SLC35F4: variants seen among roughly 807,000 people sequenced by gnomAD.
SLC35F4 encodes solute carrier family 35 member F4.
In SLC35F4, 24 loss-of-function variants were observed where a neutral mutation model predicts 44.2. The observed-to-expected ratio is 0.54, with a 90% CI of 0.39 to 0.76. SLC35F4 has a LOEUF of 0.76. SLC35F4 is among the 30% of genes least tolerant of loss of function. SLC35F4 has a pLI of 0.00. For missense variants in SLC35F4, 562 were observed against 586.1 expected, an observed-to-expected ratio of 0.96 and a Z score of 0.42; for synonymous variants, 238 against 223.6, an observed-to-expected ratio of 1.06 and a Z score of -0.57.
At position 57,769,493 on chromosome 14, in the gene SLC35F4, A is replaced by G. The variant is rs535189081; in HGVS notation, c.103+96230T>C. On this transcript the variant is annotated intron_variant, in intron 1 of 7. Transcript: ENST00000556826. ...AGCCAAAACCTCATAAAATAATGCC[A>G]TAATTTCAGTGTCACAAATCCATCA... Among the ~76,000 whole-genome samples, 3 of 152,380 alleles carry G rather than the reference A, an allele frequency of 2.0e-5. No homozygotes were observed. The East Asian group carries it at 5.8e-4, about 29-fold the overall frequency.
chr14:57,670,585 A>G, intron 1 of SLC35F4, among the ~76,000 whole-genome samples: 1 of 151,716 alleles, frequency 6.6e-6, no homozygotes. Context: ...TCATTTCGTT[A>G]TGTACCCAGT....
chr14:57,576,997 T>A (rs1200277824), intron 4 of SLC35F4, among the ~76,000 whole-genome samples: 1 of 152,114 alleles, frequency 6.6e-6, no homozygotes, highest in Non-Finnish European at 1.5e-5. Context: ...CCTGCCAAGA[T>A]AGGGGTAAGA....
intron 1 of SLC35F4, among the ~76,000 whole-genome samples, chr14:57,945,269 AAGAGGCCAGAGCCC>A (rs1277105192): frequency 6.6e-6 from 1 of 152,074 alleles, no homozygotes; most frequent in Admixed American, 6.5e-5. Context: ...TGAATTACCA[AAGAGGCCAGAGCCC>A]AGATCCCAGA....
At chr14:57,913,532 A>T (rs1284059701) in intron 1 of SLC35F4, among the ~76,000 whole-genome samples, 1 of 152,156 alleles carries the variant, frequency 6.6e-6, no homozygotes, top group Non-Finnish European at 1.5e-5. Flanking sequence ...ACTACTTTAC[A>T]GGTTTAGTAT....
intron 1 of SLC35F4, among the ~76,000 whole-genome samples, chr14:57,933,177 A>G (rs1438592213): frequency 6.6e-6 from 1 of 151,474 alleles, no homozygotes; most frequent in African/African-American, 2.4e-5. Context: ...GTGTGACACC[A>G]CACCTGGCTA....
chr14:57,594,346 C>T (rs569270612), intron 1 of SLC35F4, among the ~76,000 whole-genome samples: 1 of 152,240 alleles, frequency 6.6e-6, no homozygotes, highest in Admixed American at 6.5e-5. Flanking sequence ...TGTGCTACCA[C>T]ACCCAGCTAA....
intron 2 of SLC35F4, among the ~76,000 whole-genome samples, chr14:57,592,664 C>A (rs1451069511): frequency 6.6e-6 from 1 of 152,124 alleles, no homozygotes; most frequent in Non-Finnish European, 1.5e-5. Flanking sequence ...CCTTGGGGTT[C>A]ACACAGTGTC....
chr14:57,596,891 C>T (rs1489100806), intron 1 of SLC35F4: 1 of 1,367,054 alleles, frequency 7.3e-7, no homozygotes, highest in Non-Finnish European at 9.8e-7. Flanking sequence ...AAGAGTAGTT[C>T]ATCCATGACA....
intron 1 of SLC35F4, among the ~76,000 whole-genome samples, chr14:57,705,918 A>C (rs1072959): frequency 0.047 from 7,130 of 152,176 alleles, 213 homozygotes; most frequent in South Asian, 0.082. Flanking sequence ...AACTTTTCCC[A>C]CTTCAAACAG....
At chr14:57,687,033 G>T (rs1038850829) in intron 1 of SLC35F4, among the ~76,000 whole-genome samples, 1 of 152,150 alleles carries the variant, frequency 6.6e-6, no homozygotes, top group South Asian at 2.1e-4. Context: ...GATTAGGACA[G>T]ACACAGAGAA....
At chr14:57,811,609 A>C (rs1881974767) in intron 1 of SLC35F4, among the ~76,000 whole-genome samples, 1 of 152,230 alleles carries the variant, frequency 6.6e-6, no homozygotes, top group African/African-American at 2.4e-5. Context: ...GATGTGAAGA[A>C]AAGAAATACA....
chr14:57,674,353 C>G (rs2074619494), intron 1 of SLC35F4, among the ~76,000 whole-genome samples: 1 of 152,112 alleles, frequency 6.6e-6, no homozygotes, highest in Non-Finnish European at 1.5e-5. Flanking sequence ...CCTACCAATT[C>G]TACTTCATGA....
upstream of SLC35F4, among the ~76,000 whole-genome samples, chr14:57,866,226 G>A (rs967131686): frequency 7.2e-5 from 11 of 152,164 alleles, no homozygotes; most frequent in African/African-American, 2.4e-4. Context: ...CTGATGAAAG[G>A]GATGTTTGGT....
At chr14:57,789,079 AC>A (rs1288385504) in intron 1 of SLC35F4, among the ~76,000 whole-genome samples, 1 of 152,112 alleles carries the variant, frequency 6.6e-6, no homozygotes, top group East Asian at 1.9e-4. Context: ...AAAATCGACA[AC>A]CTAACATCAC....
rs186997757 is a variant in SLC35F4 at position 57,620,340 on chromosome 14, T to G, written c.104-26216A>C. Among the ~76,000 whole-genome samples, 220 of 152,252 alleles carry G rather than the reference T, an allele frequency of 1.4e-3. 1 individual carries two copies. The highest frequency in any genetic ancestry group is 6.8e-3 in the Middle Eastern group (2 of 294). ...AAGCCCATCAGACTAACAGTGAATC[T>G]CTCGGCAGAAACACTACAAGCCAGA... On this transcript the variant is annotated intron_variant, in intron 1 of 7. Coordinates refer to ENST00000556826, the MANE Select transcript of SLC35F4 (RefSeq NM_001306087.2).
At chr14:57,808,269 T>C (rs1169253553) in intron 1 of SLC35F4, among the ~76,000 whole-genome samples, 2 of 151,910 alleles carry the variant, frequency 1.3e-5, no homozygotes, top group African/African-American at 4.9e-5. Flanking sequence ...GAAAGATCAG[T>C]AATTTGGCTC....
intron 1 of SLC35F4, among the ~76,000 whole-genome samples, chr14:57,744,780 C>A (rs890077087): frequency 4.6e-5 from 7 of 152,124 alleles, no homozygotes; most frequent in Non-Finnish European, 7.3e-5. Flanking sequence ...CCCACATTGC[C>A]AAGACAATCC....
intron 1 of SLC35F4, among the ~76,000 whole-genome samples, chr14:57,707,549 A>C (rs1258979091): frequency 1.3e-5 from 2 of 152,178 alleles, no homozygotes; most frequent in Non-Finnish European, 2.9e-5. Flanking sequence ...CTATGAGTCA[A>C]TGAAACCTCT....
intron 3 of SLC35F4, 69 bp from the exon 4 acceptor site, chr14:57,581,502 G>C (rs1400962539): frequency 2.2e-6 from 3 of 1,387,726 alleles, no homozygotes; most frequent in Non-Finnish European, 3.0e-6. Flanking sequence ...CTGACTCATC[G>C]CAGCCATTTT....
Sources: gnomAD v4.1 joint callset for allele counts (sites outside exome capture counted in the v4.1 genomes callset) on GRCh38, gnomAD v4.1.1 for gene constraint, MANE v1.5 for transcripts, NCBI Gene and HGNC (gene_info 2026-07-23, HGNC 2026-07-21) for gene names.